Variants in IL12B observed in about 807,000 individuals in gnomAD.
The protein encoded by IL12B is interleukin 12B, also known as interleukin-12 subunit beta.
In IL12B, 27 loss-of-function variants were observed where a neutral mutation model predicts 39.2. The ratio of observed to expected loss-of-function variants is 0.69; its 90% CI spans 0.51 to 0.95. IL12B has a LOEUF of 0.95. Ranked by LOEUF, IL12B falls within the 40% of genes least tolerant of loss-of-function variation. The pLI, the probability that IL12B is intolerant of heterozygous loss-of-function variation, is 0.00. For missense variants in IL12B, 351 were observed against 397.6 expected (o/e 0.88, Z 1.00); for synonymous variants, 142 against 152.1 (o/e 0.93, Z 0.49).
chr5:159,329,398 C>A (rs1223524608), intron 1 of IL12B, among the ~76,000 whole-genome samples: 1 of 152,098 alleles, frequency 6.6e-6, no homozygotes, highest in Non-Finnish European at 1.5e-5. Context: ...GAGTTAGTGA[C>A]ATAATTCACG....
chr5:159,320,292 C>A lies in IL12B; in HGVS notation c.697+14G>T. The stretch of plus-strand genomic sequence containing the variant: ...TCTTTCCTTATGGAGCACATATAAT[C>A]ATCCAAAACTCACTGATGTCCCTGA... On this transcript the variant is annotated intron_variant, in intron 5 of 7. Transcript: ENST00000231228. 3 of 1,607,810 alleles carry A rather than the reference C, an allele frequency of 1.9e-6. No homozygotes were observed. The highest frequency in any genetic ancestry group is 2.2e-5 in the East Asian group (1 of 44,852).
chr5:159,317,175 T>A (rs1754003291), intron 6 of IL12B, among the ~76,000 whole-genome samples: 1 of 152,152 alleles, frequency 6.6e-6, no homozygotes, highest in African/African-American at 2.4e-5. Context: ...AAATACCATA[T>A]CCTGATCATT....
chr5:159,324,053 C>G (rs1458042272), intron 2 of IL12B, among the ~76,000 whole-genome samples: 1 of 152,052 alleles, frequency 6.6e-6, no homozygotes, highest in Non-Finnish European at 1.5e-5. Context: ...GGATTTCGTT[C>G]CCTCTGTTTT....
Position 159,326,576 on chromosome 5 carries a change from C to T in IL12B, c.88+119G>A, listed in dbSNP as rs1356393218. The stretch of plus-strand genomic sequence containing the variant: ...GCATTGCATTTTCCCAGAGTGATGG[C>T]TTTCTCTAGAGGACCCAGTGCATGG... On this transcript the variant is annotated intron_variant, in intron 2 of 7. Coordinates refer to ENST00000231228, the MANE Select transcript of IL12B (RefSeq NM_002187.3). 4.2e-6 allele frequency: 3 copies of T among 717,344 alleles called. No homozygotes were observed. In the Admixed American group the frequency reaches 6.7e-5, roughly 16 times the overall value. 44.4% of individuals were successfully genotyped at this position (717,344 alleles called of 1,614,324 possible). A position where few individuals can be genotyped will look rare whatever the true frequency, so the allele number is the denominator to read the frequency against.
rs1359218135 is a variant in IL12B at position 159,315,687 on chromosome 5, A to C, written c.*414T>G. ...ATTGTCATAAAACTGATGTACTTGC[A>C]GCCTTGCTTGAAAAGTTGTCAGTAC... On this transcript the variant is annotated 3_prime_UTR_variant, in exon 8 of 8. Coordinates refer to ENST00000231228, the MANE Select transcript of IL12B (RefSeq NM_002187.3). 1 of 152,794 alleles carries C rather than the reference A, an allele frequency of 6.5e-6. No individual in the cohort carries two copies. Among genetic ancestry groups the C allele is most frequent in the Non-Finnish European group, 1.5e-5 (1 of 68,044 alleles). 9.5% of individuals were successfully genotyped at this position (152,794 alleles called of 1,614,324 possible). A position where few individuals can be genotyped will look rare whatever the true frequency, so the allele number is the denominator to read the frequency against.
At chr5:159,321,012 T>C (rs1316503196) in intron 4 of IL12B, among the ~76,000 whole-genome samples, 2 of 151,568 alleles carry the variant, frequency 1.3e-5, no homozygotes, top group African/African-American at 4.8e-5. Context: ...CTCTTTTTTT[T>C]TTTAAGAGAC....
In IL12B at chr5:159,320,331, G is replaced by C. The variant is rs1754064502; in HGVS notation, c.672C>G (p.Thr224=). The stretch of plus-strand genomic sequence containing the variant: ...TGATGTCCCTGATGAAGAAGCTGCT[G>C]GTGTAGTTTTCATACTTGAGCTTGT... ...AVHKLKYENY[T]SSFFIRDIIK... The change falls in exon 5 of 8, where the codon ACC becomes ACG. Residue 224 remains threonine (T), a synonymous_variant. Coordinates refer to ENST00000231228, the MANE Select transcript of IL12B (RefSeq NM_002187.3). 1 of 1,613,896 alleles carries C rather than the reference G, an allele frequency of 6.2e-7. No homozygotes were observed. Among genetic ancestry groups the C allele is most frequent in the Admixed American group, 1.7e-5 (1 of 59,998 alleles).
chr5:159,323,091 AT>A lies in IL12B; in HGVS notation c.326del (p.Asp109ValfsTer9). The A allele has an allele frequency of 6.2e-7, 1 of 1,614,152 alleles. No homozygotes were observed. The highest frequency in any genetic ancestry group is 8.5e-7 in the Non-Finnish European group (1 of 1,180,002). On this transcript the variant is annotated frameshift_variant, in exon 3 of 8. Coordinates refer to ENST00000231228, the MANE Select transcript of IL12B (RefSeq NM_002187.3). LOFTEE classifies it high-confidence loss of function. ...HSLLLLHKKE[D>X]GIWSTDILKD... ...TTAAAATATCAGTGGACCAAATTCC[AT>A]CTTCCTTTTTGTGAAGCAGCAGGAG...
chr5:159,317,557 T>C (rs1243132329), intron 6 of IL12B, among the ~76,000 whole-genome samples: 1 of 152,186 alleles, frequency 6.6e-6, no homozygotes, highest in Non-Finnish European at 1.5e-5. Context: ...ATTAGGGCTT[T>C]GTCCAGTGAT....
At chr5:159,318,187 C>T (rs1754019376) in intron 6 of IL12B, 1 of 155,300 alleles carries the variant, frequency 6.4e-6, no homozygotes, top group Non-Finnish European at 1.4e-5. Flanking sequence ...CTCTTTTCCA[C>T]AAAAAAGGGG....
intron 1 of IL12B, among the ~76,000 whole-genome samples, chr5:159,328,898 T>C (rs1754233597): frequency 6.6e-6 from 1 of 152,186 alleles, no homozygotes; most frequent in Non-Finnish European, 1.5e-5. Flanking sequence ...GGAGAGGTGA[T>C]GGTGGTGGGT....
chr5:159,320,463 G>T lies in IL12B; in HGVS notation c.540C>A (p.Val180=). 1 of 1,614,120 alleles carries T rather than the reference G, an allele frequency of 6.2e-7. No homozygotes were observed. The highest frequency in any genetic ancestry group is 1.3e-5 in the African/African-American group (1 of 75,046). Residue 180 remains valine, a synonymous_variant, in exon 5 of 8, where the codon GTC becomes GTA. Coordinates refer to ENST00000231228, the MANE Select transcript of IL12B (RefSeq NM_002187.3). Reference sequence around the variant, plus strand: ...ACTCATACTCCTTGTTGTCCCCTCTGACTCTCTCTGCAGAGAGTGTAGCAG... The same window carrying T: ...ACTCATACTCCTTGTTGTCCCCTCTTACTCTCTCTGCAGAGAGTGTAGCAG... ...CGAATLSAER[V]RGDNKEYEYS...
rs34983204 is a variant in IL12B at position 159,327,520 on chromosome 5, C to G, written c.1-738G>C. Reference sequence around the variant, plus strand: ...GACTACTCTCTCCCATATAGAGAACCTAGTGGTTCTAAAATTTGAGTGACT... The same window carrying G: ...GACTACTCTCTCCCATATAGAGAACGTAGTGGTTCTAAAATTTGAGTGACT... On this transcript the variant is annotated intron_variant, in intron 1 of 7. Coordinates refer to ENST00000231228, the MANE Select transcript of IL12B (RefSeq NM_002187.3). 7.2e-3 allele frequency among the ~76,000 whole-genome samples: 1,099 copies of G among 152,288 alleles called. 19 individuals are homozygous for G. Among genetic ancestry groups the G allele is most frequent in the African/African-American group, 0.024 (1,016 of 41,542 alleles).
intron 2 of IL12B, among the ~76,000 whole-genome samples, chr5:159,323,874 C>T (rs2113031483): frequency 6.7e-6 from 1 of 149,048 alleles, no homozygotes; most frequent in African/African-American, 2.5e-5. Context: ...ATAACAGTAT[C>T]TGCCTTACAT....
chr5:159,320,329 C>A lies in IL12B; in HGVS notation c.674G>T (p.Ser225Ile), dbSNP rs1754064448. 1 of 1,614,072 alleles carries A rather than the reference C, an allele frequency of 6.2e-7. No individual in the cohort carries two copies. Among genetic ancestry groups the A allele is most frequent in the South Asian group, 1.1e-5 (1 of 91,072 alleles). Residue 225 changes from serine (S) to isoleucine (I), a missense_variant, in exon 5 of 8, where the codon AGC (serine) becomes ATC (isoleucine). Ser to Ile is a moderately radical substitution (Grantham distance 142). Transcript: ENST00000231228. Reference protein sequence around the residue: ...VHKLKYENYTSSFFIRDIIKP... With the variant: ...VHKLKYENYTISFFIRDIIKP... The stretch of plus-strand genomic sequence containing the variant: ...ACTGATGTCCCTGATGAAGAAGCTG[C>A]TGGTGTAGTTTTCATACTTGAGCTT...
chr5:159,321,357 AT>A lies in IL12B; in HGVS notation c.483-838del, dbSNP rs571346170. Among the ~76,000 whole-genome samples the A allele has an allele frequency of 8.3e-3, 1,095 of 131,758 alleles. 4 individuals carry two copies. The highest frequency in any genetic ancestry group is 0.012 in the Admixed American group (144 of 12,458). 86.4% of individuals were successfully genotyped at this position (131,758 alleles called of 152,430 possible). ...AATTGTATACACATTTTATATATAT[AT>A]ATATATATACACACACACACACACA... is the stretch of plus-strand genomic sequence containing the variant. On this transcript the variant is annotated intron_variant, in intron 4 of 7. Coordinates refer to ENST00000231228, the MANE Select transcript of IL12B (RefSeq NM_002187.3).
chr5:159,326,878 CT>C, intron 1 of IL12B, 96 bp from the exon 2 acceptor site: 1 of 825,740 alleles, frequency 1.2e-6, no homozygotes, highest in Non-Finnish European at 2.1e-6. Context: ...TTCTTGTTAC[CT>C]TTGTGAACCA....
rs1430683115 is a variant in IL12B, at chr5:159,326,793, G to C, written c.1-11C>G. The C allele has an allele frequency of 1.9e-6, 3 of 1,551,210 alleles. No individual in the cohort carries two copies. The Admixed American group carries it at 5.0e-5, about 26-fold the overall frequency. Reference sequence around the variant, plus strand: ...CTGCTGGTGACACATCTATAAGAAGGGAGAGAAGCAGGGGGAAGAGAAGGA... The same window carrying C: ...CTGCTGGTGACACATCTATAAGAAGCGAGAGAAGCAGGGGGAAGAGAAGGA... On this transcript the variant is annotated splice_polypyrimidine_tract_variant and intron_variant, in intron 1 of 7. Coordinates refer to ENST00000231228, the MANE Select transcript of IL12B (RefSeq NM_002187.3).
chr5:159,319,391 A>G (rs1754047367), intron 5 of IL12B, among the ~76,000 whole-genome samples: 1 of 152,114 alleles, frequency 6.6e-6, no homozygotes, highest in South Asian at 2.1e-4. Context: ...AATTGTCTCT[A>G]TGCTCAATTT....
Sources: gnomAD v4.1 joint callset for allele counts (sites outside exome capture counted in the v4.1 genomes callset) on GRCh38, gnomAD v4.1.1 for gene constraint, MANE v1.5 for transcripts, NCBI Gene and HGNC (gene_info 2026-07-23, HGNC 2026-07-21) for gene names.